Variants in SCHIP1 observed in about 807,000 individuals in gnomAD.
SCHIP1 encodes the protein schwannomin-interacting protein 1.
Under a neutral mutation model 29.7 loss-of-function variants are expected in SCHIP1, and 8 were observed. That is an observed-to-expected ratio of 0.27 (90% CI 0.16 to 0.49). SCHIP1 has a LOEUF of 0.49. Among genes scored for constraint, SCHIP1 ranks in the 20% least tolerant of loss-of-function variants. The pLI is 0.99. For missense variants in SCHIP1, 193 were observed against 294.6 expected, an observed-to-expected ratio of 0.66 and a Z score of 2.52; for synonymous variants, 76 against 94.9, an observed-to-expected ratio of 0.80 and a Z score of 1.16.
chr3:159,581,696 A>G, the SCHIP1 span, among the ~76,000 whole-genome samples: 1 of 152,204 alleles, frequency 6.6e-6, no homozygotes, highest in African/African-American at 2.4e-5. Flanking sequence ...AACCATTTTT[A>G]AAAGGAAAGT....
the SCHIP1 span, among the ~76,000 whole-genome samples, chr3:159,327,415 G>A: frequency 4.2e-3 from 634 of 152,198 alleles, 10 homozygotes; most frequent in African/African-American, 0.014. Context: ...TTGAGGACTG[G>A]AAATCCAGGC....
intron 2 of SCHIP1, among the ~76,000 whole-genome samples, chr3:159,885,799 A>G (rs1437828245): frequency 2.6e-5 from 4 of 152,244 alleles, no homozygotes; most frequent in Non-Finnish European, 5.9e-5. Context: ...TGCTGGCTCC[A>G]GTGAGAGAGT....
chr3:159,497,295 T>G, the SCHIP1 span, among the ~76,000 whole-genome samples: 3 of 151,948 alleles, frequency 2.0e-5, no homozygotes. Flanking sequence ...GAGTGCATGC[T>G]AACTCCTTCA....
chr3:159,300,156 CTG>C, the SCHIP1 span, among the ~76,000 whole-genome samples: 2 of 101,454 alleles, frequency 2.0e-5, no homozygotes, highest in African/African-American at 7.0e-5. Context: ...GGGTCTCACT[CTG>C]TCACCCAGGC....
At chr3:159,834,634 C>G in the SCHIP1 span, among the ~76,000 whole-genome samples, 1 of 152,114 alleles carries the variant, frequency 6.6e-6, no homozygotes, top group African/African-American at 2.4e-5. Context: ...TCCTCAACCC[C>G]AAAATCTAAA....
chr3:159,794,078 C>T, the SCHIP1 span, among the ~76,000 whole-genome samples: 1 of 152,152 alleles, frequency 6.6e-6, no homozygotes, highest in African/African-American at 2.4e-5. Flanking sequence ...GTCCCTTTTG[C>T]CATGTGAAGT....
chr3:159,642,422 A>C, the SCHIP1 span, among the ~76,000 whole-genome samples: 1 of 152,202 alleles, frequency 6.6e-6, no homozygotes, highest in African/African-American at 2.4e-5. Flanking sequence ...CTCCTTATTC[A>C]CATGGCATAA....
chr3:159,476,901 C>A, the SCHIP1 span, among the ~76,000 whole-genome samples: 1 of 152,062 alleles, frequency 6.6e-6, no homozygotes, highest in Non-Finnish European at 1.5e-5. Context: ...AAAACTTATT[C>A]TGTCTATCTG....
At chr3:159,417,360 ACT>A in the SCHIP1 span, among the ~76,000 whole-genome samples, 2 of 152,140 alleles carry the variant, frequency 1.3e-5, no homozygotes, top group Non-Finnish European at 2.9e-5. Flanking sequence ...GGATCTCATA[ACT>A]CTGATACACC....
chr3:159,766,460 A>G, the SCHIP1 span, among the ~76,000 whole-genome samples: 1 of 152,202 alleles, frequency 6.6e-6, no homozygotes, highest in Non-Finnish European at 1.5e-5. Context: ...TCTTTCCATT[A>G]CAGTCAATAC....
chr3:159,445,326 G>C, the SCHIP1 span, among the ~76,000 whole-genome samples: 1 of 151,566 alleles, frequency 6.6e-6, no homozygotes, highest in African/African-American at 2.4e-5. Context: ...ACCACAATGA[G>C]ATACCATCTC....
chr3:159,578,058 C>G, the SCHIP1 span, among the ~76,000 whole-genome samples: 2 of 152,060 alleles, frequency 1.3e-5, no homozygotes, highest in Non-Finnish European at 2.9e-5. Flanking sequence ...GATTGAGGGA[C>G]CCGGTTTTGG....
chr3:159,308,116 C>A, the SCHIP1 span, among the ~76,000 whole-genome samples: 1 of 151,908 alleles, frequency 6.6e-6, no homozygotes, highest in South Asian at 2.1e-4. Flanking sequence ...TGAAGAATGA[C>A]TTTGGGAGTT....
chr3:159,276,542 C>G, the SCHIP1 span, among the ~76,000 whole-genome samples: 1 of 152,164 alleles, frequency 6.6e-6, no homozygotes, highest in African/African-American at 2.4e-5. Context: ...ACTGTTATTC[C>G]TTTCTCTGTC....
At chr3:159,587,903 A>G in the SCHIP1 span, among the ~76,000 whole-genome samples, 1 of 152,210 alleles carries the variant, frequency 6.6e-6, no homozygotes, top group African/African-American at 2.4e-5. Context: ...AGTCTTTGCT[A>G]TTGTGAATAG....
chr3:159,648,865 G>C, the SCHIP1 span, among the ~76,000 whole-genome samples: 3 of 151,864 alleles, frequency 2.0e-5, no homozygotes, highest in African/African-American at 7.3e-5. Context: ...TTTCCTGTAT[G>C]GGGGAGGGGA....
chr3:159,648,036 C>CA, the SCHIP1 span, among the ~76,000 whole-genome samples: 73 of 152,154 alleles, frequency 4.8e-4, no homozygotes, highest in African/African-American at 1.8e-3. Flanking sequence ...GCCCATGGCC[C>CA]AGGTTTTTTT....
chr3:159,322,683 CA>C, the SCHIP1 span, among the ~76,000 whole-genome samples: 1 of 152,168 alleles, frequency 6.6e-6, no homozygotes, highest in Non-Finnish European at 1.5e-5. Context: ...TCACTAGGCA[CA>C]AAAATGTTCC....
chr3:159,445,213 A>G, the SCHIP1 span, among the ~76,000 whole-genome samples: 6 of 152,310 alleles, frequency 3.9e-5, no homozygotes, highest in African/African-American at 1.4e-4. Context: ...ATAAGTGGGC[A>G]AAGGATATGA....
Sources: gnomAD v4.1 joint callset for allele counts (sites outside exome capture counted in the v4.1 genomes callset) on GRCh38, gnomAD v4.1.1 for gene constraint, MANE v1.5 for transcripts, NCBI Gene and HGNC (gene_info 2026-07-23, HGNC 2026-07-21) for gene names.